The following IKBKB-DT variants were observed in gnomAD, a reference collection of about 807,000 sequenced individuals.
The protein encoded by IKBKB-DT is IKBKB divergent transcript.
chr8:42,256,388 C>G (rs1807200260), intron 3 of IKBKB-DT, among the ~76,000 whole-genome samples: 1 of 150,512 alleles, frequency 6.6e-6, no homozygotes, highest in Non-Finnish European at 1.5e-5. Context: ...ATAGTGAAAC[C>G]CCGTTTCTAC....
At chr8:42,264,763 T>C (rs1422959845) in intron 2 of IKBKB-DT, among the ~76,000 whole-genome samples, 1 of 152,060 alleles carries the variant, frequency 6.6e-6, no homozygotes, top group Non-Finnish European at 1.5e-5. Flanking sequence ...TTCACCATGT[T>C]GGTCAGGCTG....
chr8:42,242,885 C>CAA (rs1807021149), intron 3 of IKBKB-DT, among the ~76,000 whole-genome samples: 1 of 152,224 alleles, frequency 6.6e-6, no homozygotes, highest in Non-Finnish European at 1.5e-5. Flanking sequence ...GCAGGCCACT[C>CAA]AACGAAGGCC....
chr8:42,247,608 G>A (rs747803863), intron 3 of IKBKB-DT, among the ~76,000 whole-genome samples: 4 of 152,174 alleles, frequency 2.6e-5, no homozygotes, highest in Non-Finnish European at 5.9e-5. Flanking sequence ...TAGGCTTTGT[G>A]TACCCACCCA....
chr8:42,261,900 G>A (rs964716031), intron 3 of IKBKB-DT, among the ~76,000 whole-genome samples: 5 of 152,218 alleles, frequency 3.3e-5, no homozygotes, highest in African/African-American at 4.8e-5. Flanking sequence ...GGGTGTCCCC[G>A]ACCTGGCAGT....
intron 1 of IKBKB-DT, among the ~76,000 whole-genome samples, chr8:42,268,114 T>C (rs1444854218): frequency 2.0e-5 from 3 of 151,384 alleles, no homozygotes; most frequent in African/African-American, 7.3e-5. Flanking sequence ...GCCCAGCACA[T>C]ATAGGTGCTC....
intron 3 of IKBKB-DT, among the ~76,000 whole-genome samples, chr8:42,243,411 G>A (rs1807027486): frequency 6.6e-6 from 1 of 152,082 alleles, no homozygotes; most frequent in South Asian, 2.1e-4. Context: ...AAAGAAGAAA[G>A]AGAAAAAAAT....
At chr8:42,246,240 G>T (rs966304239) in intron 3 of IKBKB-DT, among the ~76,000 whole-genome samples, 1 of 152,012 alleles carries the variant, frequency 6.6e-6, no homozygotes, top group African/African-American at 2.4e-5. Flanking sequence ...GTTGTCCAGG[G>T]TGGTCTCAAA....
At chr8:42,240,645 A>AAAAAG (rs1806989644) in intron 3 of IKBKB-DT, among the ~76,000 whole-genome samples, 1 of 149,850 alleles carries the variant, frequency 6.7e-6, no homozygotes, top group Non-Finnish European at 1.5e-5. Context: ...AAAAAAAAAA[A>AAAAAG]AAAAAGAGCA....
chr8:42,246,811 C>T (rs868238916), intron 3 of IKBKB-DT, among the ~76,000 whole-genome samples: 27 of 152,228 alleles, frequency 1.8e-4, no homozygotes, highest in South Asian at 4.2e-4. Flanking sequence ...GGACCGGTTT[C>T]GTGGGAGACA....
exon 1 of IKBKB-DT, chr8:42,270,772 G>A (rs1181726543): frequency 1.3e-5 from 2 of 152,644 alleles, no homozygotes; most frequent in Admixed American, 6.5e-5. Context: ...GTTTCCTCAT[G>A]TCACCGGGGC....
chr8:42,251,903 C>T (rs1052027435), intron 3 of IKBKB-DT, among the ~76,000 whole-genome samples: 20 of 151,796 alleles, frequency 1.3e-4, no homozygotes, highest in Admixed American at 2.6e-4. Flanking sequence ...CCATACAGGT[C>T]TGCAGCAACC....
At chr8:42,237,595 C>A (rs1409496608) in intron 3 of IKBKB-DT, among the ~76,000 whole-genome samples, 1 of 152,014 alleles carries the variant, frequency 6.6e-6, no homozygotes, top group Non-Finnish European at 1.5e-5. Flanking sequence ...TTATACCTTG[C>A]CAAACGTCGA....
chr8:42,255,501 C>A (rs1270667029), intron 3 of IKBKB-DT: 3 of 152,072 alleles, frequency 2.0e-5, no homozygotes, highest in Non-Finnish European at 4.4e-5. Flanking sequence ...CAGGAAGTGA[C>A]CTTTCTTACT....
chr8:42,236,278 G>A (rs905371941), intron 3 of IKBKB-DT, among the ~76,000 whole-genome samples: 2 of 151,792 alleles, frequency 1.3e-5, no homozygotes. Flanking sequence ...TGGGATTCCA[G>A]GTGTGAGCCA....
chr8:42,236,543 A>T (rs1317836390), intron 3 of IKBKB-DT, among the ~76,000 whole-genome samples: 1 of 152,172 alleles, frequency 6.6e-6, no homozygotes, highest in African/African-American at 2.4e-5. Context: ...AGGCGGGTGG[A>T]TCACCTGAGG....
At position 42,244,866 on chromosome 8, in the gene IKBKB-DT, A is replaced by G. The variant is rs111296219; in HGVS notation, n.1530-11007T>C. Among the ~76,000 whole-genome samples the G allele has an allele frequency of 9.4e-3, 1,433 of 152,236 alleles. 21 individuals are homozygous for G. The highest frequency in any genetic ancestry group is 0.033 in the African/African-American group (1,373 of 41,522). On this transcript the variant is annotated intron_variant and non_coding_transcript_variant, in intron 3 of 3. Coordinates refer to ENST00000518213, the Ensembl canonical transcript of IKBKB-DT. ...GCTCTAGTTTATAACCTATGGAAAA[A>G]GCTCTTCTGTGGCATTTGAGAGACT...
At chr8:42,271,095 GGGGGTCATTTCA>G (rs1807618977) in exon 1 of IKBKB-DT, 5 of 421,242 alleles carry the variant, frequency 1.2e-5, no homozygotes, top group Non-Finnish European at 2.2e-5. Flanking sequence ...AGGGTGTAAC[GGGGGTCATTTCA>G]GGGCTGTTCT....
At chr8:42,235,200 A>ATTT (rs1806903501) in intron 3 of IKBKB-DT, among the ~76,000 whole-genome samples, 3 of 83,150 alleles carry the variant, frequency 3.6e-5, no homozygotes, top group Admixed American at 2.4e-4. Flanking sequence ...CTTTTCTTTT[A>ATTT]TTTTCTTTTT....
At chr8:42,241,310 G>GAATGTAA (rs1807000878) in intron 3 of IKBKB-DT, among the ~76,000 whole-genome samples, 1 of 133,540 alleles carries the variant, frequency 7.5e-6, no homozygotes, top group Non-Finnish European at 1.5e-5. Flanking sequence ...AGGAGGCAGA[G>GAATGTAA]AATGTAATAC....
Sources: allele counts gnomAD v4.1 joint callset (sites outside exome capture counted in the v4.1 genomes callset), GRCh38; gene constraint gnomAD v4.1.1; transcripts MANE v1.5; gene names NCBI Gene and HGNC (gene_info 2026-07-23, HGNC 2026-07-21).